Variants in GALNT17 observed in about 807,000 individuals in gnomAD.
GALNT17 encodes the protein UDP-GalNAc:polypeptide N-acetylgalactosaminyltransferase-like 3.
In GALNT17, 29 loss-of-function variants were observed where a neutral mutation model predicts 63.7. The observed-to-expected ratio is 0.46, with a 90% CI of 0.34 to 0.62. The LOEUF is 0.62. GALNT17 is among the 20% of genes least tolerant of loss of function. The pLI is 0.01. For missense variants in GALNT17, 603 were observed against 799.6 expected (o/e 0.75, Z 2.97); for synonymous variants, 305 against 318.3 (o/e 0.96, Z 0.45).
chr7:71,597,516 T>TAATAAATA (rs34346162), intron 6 of GALNT17, among the ~76,000 whole-genome samples: 27,182 of 149,624 alleles, frequency 0.18, 2,560 homozygotes, highest in African/African-American at 0.22. Context: ...CTTAAAAGAG[T>TAATAAATA]AATAAATAAA....
intron 1 of GALNT17, among the ~76,000 whole-genome samples, chr7:71,304,513 G>T (rs1791255813): frequency 6.6e-6 from 1 of 152,118 alleles, no homozygotes; most frequent in Non-Finnish European, 1.5e-5. Flanking sequence ...GCATGTTTTT[G>T]TTAAGAAACA....
At chr7:71,709,315 T>A (rs190467907) in intron 9 of GALNT17, among the ~76,000 whole-genome samples, 6 of 152,350 alleles carry the variant, frequency 3.9e-5, no homozygotes, top group Admixed American at 3.3e-4. Flanking sequence ...TGATTAGTGA[T>A]GATGAGCATT....
At chr7:71,662,330 C>CTATCTATCTATCTATG (rs1554320968) in intron 6 of GALNT17, among the ~76,000 whole-genome samples, 1 of 151,348 alleles carries the variant, frequency 6.6e-6, no homozygotes, top group Non-Finnish European at 1.5e-5. Flanking sequence ...ATCTATCTAT[C>CTATCTATCTATCTATG]TATCTGTCTG....
At chr7:71,234,875 TCTC>T (rs1381551923) in intron 1 of GALNT17, among the ~76,000 whole-genome samples, 2 of 152,156 alleles carry the variant, frequency 1.3e-5, no homozygotes, top group Non-Finnish European at 2.9e-5. Flanking sequence ...TTGTACCTTG[TCTC>T]CTCCTGCATA....
chr7:71,450,518 C>A (rs1198022158), intron 5 of GALNT17, among the ~76,000 whole-genome samples: 2 of 152,164 alleles, frequency 1.3e-5, no homozygotes, highest in Admixed American at 6.5e-5. Flanking sequence ...ATGAAAAAGA[C>A]AGCCTTGGTG....
intron 1 of GALNT17, among the ~76,000 whole-genome samples, chr7:71,145,747 C>T (rs969896937): frequency 6.6e-6 from 1 of 152,048 alleles, no homozygotes; most frequent in Non-Finnish European, 1.5e-5. Flanking sequence ...CACTCGTTGC[C>T]CAGGCCGGAG....
At chr7:71,178,741 T>A (rs1788683449) in intron 1 of GALNT17, among the ~76,000 whole-genome samples, 1 of 152,240 alleles carries the variant, frequency 6.6e-6, no homozygotes, top group South Asian at 2.1e-4. Context: ...ATTTGGGGGT[T>A]AGATTCCCCA....
chr7:71,495,154 T>C (rs938338526), intron 5 of GALNT17, among the ~76,000 whole-genome samples: 10 of 152,112 alleles, frequency 6.6e-5, no homozygotes, highest in Non-Finnish European at 1.2e-4. Context: ...TGCACACCTG[T>C]AGTCCCAGCT....
chr7:71,483,830 C>A (rs1216074763), intron 5 of GALNT17, among the ~76,000 whole-genome samples: 1 of 152,126 alleles, frequency 6.6e-6, no homozygotes, highest in Non-Finnish European at 1.5e-5. Flanking sequence ...AAAATATTTT[C>A]TTTCTTTATA....
intron 6 of GALNT17, among the ~76,000 whole-genome samples, chr7:71,644,321 G>A (rs891132729): frequency 1.3e-5 from 2 of 151,672 alleles, no homozygotes; most frequent in African/African-American, 4.8e-5. Context: ...CGGATCACAA[G>A]GTCAGGAGAT....
intron 1 of GALNT17, among the ~76,000 whole-genome samples, chr7:71,249,187 C>G (rs1166421078): frequency 6.6e-6 from 1 of 152,212 alleles, no homozygotes; most frequent in African/African-American, 2.4e-5. Context: ...CTTTACATAA[C>G]AGCATCTGTT....
chr7:71,307,467 ACT>A (rs1791326370), intron 1 of GALNT17, among the ~76,000 whole-genome samples: 8 of 151,876 alleles, frequency 5.3e-5, no homozygotes. Flanking sequence ...GAGAGAGGAA[ACT>A]CACAATCTGT....
chr7:71,159,877 G>A (rs542830669), intron 1 of GALNT17, among the ~76,000 whole-genome samples: 2 of 151,696 alleles, frequency 1.3e-5, no homozygotes, highest in South Asian at 4.2e-4. Flanking sequence ...CACTTTCTGG[G>A]TTCAAGCAAT....
rs372262145 is a variant in GALNT17, at chr7:71,147,242, A to G, written c.238+14202A>G. 3.3e-4 allele frequency among the ~76,000 whole-genome samples: 50 copies of G among 152,290 alleles called. 1 individual carries two copies. Among genetic ancestry groups the G allele is most frequent in the African/African-American group, 1.2e-3 (48 of 41,558 alleles). On this transcript the variant is annotated intron_variant, in intron 1 of 10. Transcript: ENST00000333538. ...GTTAAGTATTAACTTACACAATCAC[A>G]AGGTCCCACAGTAGGCTTTTCTGCA...
At chr7:71,608,636 C>T (rs1460645308) in intron 6 of GALNT17, among the ~76,000 whole-genome samples, 2 of 151,982 alleles carry the variant, frequency 1.3e-5, no homozygotes, top group African/African-American at 4.8e-5. Flanking sequence ...ATTTTTTATC[C>T]CAGCATTTGA....
At chr7:71,267,880 G>T (rs1205992829) in intron 1 of GALNT17, among the ~76,000 whole-genome samples, 1 of 150,252 alleles carries the variant, frequency 6.7e-6, no homozygotes, top group Non-Finnish European at 1.5e-5. Flanking sequence ...TTCCCAGCAG[G>T]CCCCAGTGTG....
chr7:71,378,738 C>T (rs1003552026), intron 2 of GALNT17, among the ~76,000 whole-genome samples: 1 of 151,906 alleles, frequency 6.6e-6, no homozygotes, highest in Non-Finnish European at 1.5e-5. Flanking sequence ...AATCCCAGTG[C>T]TTTGGAAGGT....
chr7:71,156,617 C>T (rs1212369929), intron 1 of GALNT17, among the ~76,000 whole-genome samples: 1 of 148,140 alleles, frequency 6.8e-6, no homozygotes. Context: ...TTCCTTCCTT[C>T]CTCCATTCTT....
At chr7:71,606,106 A>G (rs964542739) in intron 6 of GALNT17, among the ~76,000 whole-genome samples, 3 of 116,734 alleles carry the variant, frequency 2.6e-5, no homozygotes, top group Non-Finnish European at 4.9e-5. Flanking sequence ...CACTCAGCTA[A>G]TTTTTGTATT....
Sources: allele counts gnomAD v4.1 joint callset (sites outside exome capture counted in the v4.1 genomes callset), GRCh38; gene constraint gnomAD v4.1.1; transcripts MANE v1.5; gene names NCBI Gene and HGNC (gene_info 2026-07-23, HGNC 2026-07-21).